The following POLN variants were observed in gnomAD, a reference collection of about 807,000 sequenced individuals.
The protein encoded by POLN is DNA polymerase N.
In POLN, 108 loss-of-function variants were observed where a neutral mutation model predicts 113.5. The ratio of observed to expected loss-of-function variants is 0.95; its 90% CI spans 0.81 to 1.12. The LOEUF (loss-of-function observed/expected upper bound fraction) is 1.12, where lower values mean the gene tolerates loss of function less well. Among genes scored for constraint, POLN ranks in the 50% most tolerant of loss-of-function variants. POLN has a pLI of 0.00. For synonymous variants in POLN, 386 were observed against 391.5 expected (o/e 0.99, Z 0.17); for missense variants, 1,097 against 1,077.1 (o/e 1.02, Z -0.26).
At chr4:2,096,007 C>T in intron 19 of POLN, 74 bp from the exon 20 acceptor site, 3 of 1,209,184 alleles carry the variant, frequency 2.5e-6, no homozygotes, top group South Asian at 2.4e-5. Flanking sequence ...TCCAACCACA[C>T]ACCCCACCAC....
intron 3 of POLN, among the ~76,000 whole-genome samples, chr4:2,216,614 C>T (rs1466037273): frequency 2.6e-5 from 4 of 152,188 alleles, no homozygotes; most frequent in South Asian, 4.1e-4. Flanking sequence ...CTTGGCTGAG[C>T]GCAGGATCCT....
At position 2,126,469 on chromosome 4, in the gene POLN, G is replaced by A. The variant is rs1426150950; in HGVS notation, c.1982+1644C>T. 2.0e-5 allele frequency among the ~76,000 whole-genome samples: 3 copies of A among 152,204 alleles called. No homozygotes were observed. The highest frequency in any genetic ancestry group is 7.2e-5 in the African/African-American group (3 of 41,442). On this transcript the variant is annotated intron_variant, in intron 19 of 25. Coordinates refer to ENST00000511885, the MANE Select transcript of POLN (RefSeq NM_181808.4). This position sits in a 1 kb window ranked among gnomAD's most constrained non-coding sequence, Gnocchi z 4.6. ...CTTTGTGGAGCACAGTAGGGACGAGGGTGGATGAGGTCTCGGCCCCTGGGC... is the reference window on the plus strand; with the variant it reads ...CTTTGTGGAGCACAGTAGGGACGAGAGTGGATGAGGTCTCGGCCCCTGGGC...
intron 8 of POLN, among the ~76,000 whole-genome samples, chr4:2,176,582 T>G (rs1475835014): frequency 9.2e-5 from 14 of 152,170 alleles, no homozygotes; most frequent in Admixed American, 9.2e-4. Flanking sequence ...CCGAGGGTAT[T>G]TCTTCATTTT....
chr4:2,109,023 C>T (rs994179474), intron 19 of POLN, among the ~76,000 whole-genome samples: 2 of 151,788 alleles, frequency 1.3e-5, no homozygotes, highest in Non-Finnish European at 2.9e-5. Flanking sequence ...GGGTTTGTAG[C>T]GCTAGGAGGC....
intron 20 of POLN, chr4:2,089,711 G>C: frequency 3.0e-6 from 2 of 675,116 alleles, no homozygotes; most frequent in Non-Finnish European, 2.5e-6. Flanking sequence ...GAATTACTTT[G>C]AATATATGAA....
chr4:2,221,288 T>C (rs1734246973), intron 3 of POLN, among the ~76,000 whole-genome samples: 1 of 152,210 alleles, frequency 6.6e-6, no homozygotes, highest in Non-Finnish European at 1.5e-5. Context: ...TTCCGTGCCA[T>C]CATGCCCCAC....
rs35566743 is a variant in POLN at position 2,093,597 on chromosome 4, A to G, written c.2065+2254T>C. On this transcript the variant is annotated intron_variant, in intron 20 of 25. Coordinates refer to ENST00000511885, the MANE Select transcript of POLN (RefSeq NM_181808.4). The surrounding 1 kb of genome is among the most constrained non-coding windows in gnomAD (Gnocchi z 4.1). ...GAGCAGAAGCAAATGTTATGTTTGC[A>G]ACACAAGATGCAGCAGGATGCAAGG... Among the ~76,000 whole-genome samples, 1,509 of 152,318 alleles carry G rather than the reference A, an allele frequency of 9.9e-3. 19 individuals are homozygous for G. Among genetic ancestry groups the G allele is most frequent in the African/African-American group, 0.033 (1,387 of 41,564 alleles).
chr4:2,197,317 G>A (rs780256318), intron 6 of POLN, among the ~76,000 whole-genome samples: 5 of 152,134 alleles, frequency 3.3e-5, no homozygotes, highest in South Asian at 2.1e-4. Context: ...TAACAGCAAC[G>A]CAGTGGATAA....
chr4:2,147,632 G>GTTTTTTTTTT (rs1047968546), intron 16 of POLN, among the ~76,000 whole-genome samples: 4 of 56,374 alleles, frequency 7.1e-5, no homozygotes, highest in South Asian at 7.3e-4. Flanking sequence ...CAGACATCCA[G>GTTTTTTTTTT]TTTTTCTTTT....
At chr4:2,197,871 T>C (rs1733620822) in intron 6 of POLN, among the ~76,000 whole-genome samples, 1 of 152,198 alleles carries the variant, frequency 6.6e-6, no homozygotes, top group Admixed American at 6.5e-5. Context: ...ATCAGAGGGC[T>C]GGGAAGGCAG....
rs774029650 is a variant in POLN, at chr4:2,176,263, T to C, written c.1248+3A>G. On this transcript the variant is annotated splice_donor_region_variant and intron_variant, in intron 9 of 25. Coordinates refer to ENST00000511885, the MANE Select transcript of POLN (RefSeq NM_181808.4). ...AGCCAGAAATTATAATAAAATGCCTTGCCTTCAGTTTAGAGCAAAGGTCCA... is the reference window on the plus strand; with the variant it reads ...AGCCAGAAATTATAATAAAATGCCTCGCCTTCAGTTTAGAGCAAAGGTCCA... 53 of 1,602,228 alleles carry C rather than the reference T, an allele frequency of 3.3e-5. No individual in the cohort carries two copies. Among genetic ancestry groups the C allele is most frequent in the Non-Finnish European group, 3.1e-5 (36 of 1,172,248 alleles).
At chr4:2,217,314 A>G (rs1188878492) in intron 3 of POLN, among the ~76,000 whole-genome samples, 1 of 152,234 alleles carries the variant, frequency 6.6e-6, no homozygotes, top group African/African-American at 2.4e-5. Flanking sequence ...CAGGCTGTTC[A>G]GAGCCCACCC....
At chr4:2,147,828 A>C (rs558026871) in intron 16 of POLN, among the ~76,000 whole-genome samples, 8 of 151,700 alleles carry the variant, frequency 5.3e-5, no homozygotes, top group Non-Finnish European at 1.0e-4. Flanking sequence ...TTTTTAGTAG[A>C]AGTGTGGTTT....
In POLN at chr4:2,104,906, G is replaced by A. The variant is rs553643547; in HGVS notation, c.1983-8973C>T. Among the ~76,000 whole-genome samples the A allele has an allele frequency of 6.6e-5, 10 of 152,340 alleles. No homozygotes were observed. In the East Asian group the frequency reaches 1.9e-3, roughly 29 times the overall value. ...CCAAGTGCTGCACACCTATCAGGGT[G>A]GCAGGGAATCAGACTGGCTCCCTTC... On this transcript the variant is annotated intron_variant, in intron 19 of 25. Transcript: ENST00000511885.
chr4:2,203,143 A>G (rs962051531), intron 5 of POLN, among the ~76,000 whole-genome samples: 7 of 152,166 alleles, frequency 4.6e-5, no homozygotes, highest in African/African-American at 1.4e-4. Context: ...AACTTATATT[A>G]AGCACTCTCT....
At chr4:2,191,771 A>T (rs1733447360) in intron 7 of POLN, among the ~76,000 whole-genome samples, 1 of 152,136 alleles carries the variant, frequency 6.6e-6, no homozygotes, top group Non-Finnish European at 1.5e-5. Flanking sequence ...GAATCACATG[A>T]TGTTTGGGTT....
At chr4:2,106,732 A>AT (rs1210499338) in intron 19 of POLN, among the ~76,000 whole-genome samples, 2 of 151,856 alleles carry the variant, frequency 1.3e-5, no homozygotes, top group Non-Finnish European at 2.9e-5. Flanking sequence ...TATGGACTTC[A>AT]TTTTTTTTCC....
intron 21 of POLN, among the ~76,000 whole-genome samples, chr4:2,082,313 C>T (rs17132164): frequency 0.11 from 16,890 of 152,112 alleles, 3,158 homozygotes; most frequent in African/African-American, 0.38. Flanking sequence ...GGATCTCACA[C>T]AGGACGAGGG....
intron 19 of POLN, among the ~76,000 whole-genome samples, chr4:2,117,747 A>T (rs1731351741): frequency 6.6e-6 from 1 of 152,218 alleles, no homozygotes; most frequent in Non-Finnish European, 1.5e-5. Context: ...TTAGGCCCTT[A>T]ATCTGCTCCC....
Sources: gnomAD v4.1 joint callset for allele counts (sites outside exome capture counted in the v4.1 genomes callset) on GRCh38, gnomAD v4.1.1 for gene constraint, Gnocchi (gnomAD v3.1) non-coding constraint, MANE v1.5 for transcripts, NCBI Gene and HGNC (gene_info 2026-07-23, HGNC 2026-07-21) for gene names.